Variants in NEBL observed in about 807,000 individuals in gnomAD.
NEBL encodes the protein nebulette.
NEBL carries 122 observed loss-of-function variants against 140.2 expected under a neutral mutation model. The ratio of observed to expected loss-of-function variants is 0.87; its 90% CI spans 0.75 to 1.01. The LOEUF (loss-of-function observed/expected upper bound fraction) is 1.01, where lower values mean the gene tolerates loss of function less well. NEBL is among the 50% of genes least tolerant of loss of function. The pLI, the probability that NEBL is intolerant of heterozygous loss-of-function variation, is 0.00. For missense variants in NEBL, 1,365 were observed against 1,231.3 expected (o/e 1.11, Z -1.62); for synonymous variants, 436 against 398.9 (o/e 1.09, Z -1.11).
At chr10:21,011,549 C>T (rs1196200333) in intron 3 of NEBL, among the ~76,000 whole-genome samples, 1 of 152,164 alleles carries the variant, frequency 6.6e-6, no homozygotes, top group African/African-American at 2.4e-5. Context: ...AGCCTGGGAC[C>T]CATGCCCACA....
chr10:20,852,725 T>C, intron 9 of NEBL, 76 bp from the exon 10 acceptor site: 16 of 1,229,456 alleles, frequency 1.3e-5, no homozygotes, highest in Non-Finnish European at 1.9e-5. Flanking sequence ...AAATACAAAC[T>C]GCACATTACA....
intron 4 of NEBL, among the ~76,000 whole-genome samples, chr10:20,943,389 A>G (rs1486151204): frequency 4.6e-5 from 7 of 152,216 alleles, no homozygotes; most frequent in African/African-American, 9.7e-5. Flanking sequence ...GAACCGAACA[A>G]TGAGAACACA....
chr10:21,259,212 C>T (rs12256313), intron 1 of NEBL, among the ~76,000 whole-genome samples: 8,569 of 151,958 alleles, frequency 0.056, 421 homozygotes, highest in African/African-American at 0.14. Context: ...CTCAGCCTCC[C>T]GAGCAGCTGG....
chr10:20,812,709 G>A, intron 24 of NEBL, 60 bp downstream of exon 24: 5 of 1,596,540 alleles, frequency 3.1e-6, no homozygotes, highest in Non-Finnish European at 3.4e-6. Context: ...TAATTCTGAA[G>A]CTAGAGCAAG....
At chr10:21,238,137 TAG>T (rs1232988507) in intron 3 of NEBL, among the ~76,000 whole-genome samples, 2 of 152,150 alleles carry the variant, frequency 1.3e-5, no homozygotes. Flanking sequence ...AAAGCAAAAA[TAG>T]AGTCTCAACT....
chr10:20,968,993 C>T (rs1350379961), intron 3 of NEBL, among the ~76,000 whole-genome samples: 1 of 152,192 alleles, frequency 6.6e-6, no homozygotes, highest in Non-Finnish European at 1.5e-5. Context: ...CTTTCTCTCT[C>T]ACTGCACTTT....
At chr10:21,231,961 A>G (rs1195272381) in intron 3 of NEBL, among the ~76,000 whole-genome samples, 1 of 152,152 alleles carries the variant, frequency 6.6e-6, no homozygotes, top group Non-Finnish European at 1.5e-5. Flanking sequence ...TTTATACACA[A>G]CTGATCAGCA....
intron 1 of NEBL, among the ~76,000 whole-genome samples, chr10:21,258,233 A>G (rs547831223): frequency 1.6e-4 from 25 of 152,206 alleles, no homozygotes; most frequent in Admixed American, 2.6e-4. Context: ...AACTGCAATG[A>G]GCTATGATTG....
intron 19 of NEBL, among the ~76,000 whole-genome samples, chr10:20,822,996 T>C (rs1478526175): frequency 6.6e-6 from 1 of 152,112 alleles, no homozygotes; most frequent in African/African-American, 2.4e-5. Flanking sequence ...CTGAATAATA[T>C]GTGTCTTTAA....
chr10:21,018,940 C>A (rs1268947681), intron 3 of NEBL, among the ~76,000 whole-genome samples: 1 of 152,142 alleles, frequency 6.6e-6, no homozygotes, highest in Non-Finnish European at 1.5e-5. Flanking sequence ...AGGCAGAGAA[C>A]TGCGTGAAGC....
chr10:21,073,413 T>C (rs1454851080), intron 2 of NEBL, among the ~76,000 whole-genome samples: 3 of 150,960 alleles, frequency 2.0e-5, no homozygotes, highest in African/African-American at 7.3e-5. Flanking sequence ...GGTCAGGAGT[T>C]CAAGACCAAC....
intron 7 of NEBL, among the ~76,000 whole-genome samples, chr10:20,864,364 T>C (rs560488524): frequency 2.0e-5 from 3 of 152,328 alleles, no homozygotes; most frequent in South Asian, 4.1e-4. Context: ...ATTGTATGTA[T>C]ATTGCAAATT....
intron 2 of NEBL, among the ~76,000 whole-genome samples, chr10:21,071,062 C>T (rs1412810477): frequency 2.0e-5 from 3 of 151,650 alleles, no homozygotes; most frequent in East Asian, 1.9e-4. Context: ...AGCCCAGCTG[C>T]TTAGGAGGCT....
intron 4 of NEBL, among the ~76,000 whole-genome samples, chr10:20,909,161 A>T (rs1301969274): frequency 6.6e-6 from 1 of 150,930 alleles, no homozygotes; most frequent in Non-Finnish European, 1.5e-5. Context: ...ATCCAACTAC[A>T]CTCTTTGCAT....
intron 1 of NEBL, among the ~76,000 whole-genome samples, chr10:21,291,788 G>A (rs928553932): frequency 1.7e-4 from 26 of 151,752 alleles, no homozygotes; most frequent in African/African-American, 5.1e-4. Context: ...GGTGGTGGAC[G>A]CCTGTAATCC....
intron 4 of NEBL, among the ~76,000 whole-genome samples, chr10:20,909,991 C>T (rs1848264432): frequency 6.6e-6 from 1 of 152,000 alleles, no homozygotes; most frequent in Non-Finnish European, 1.5e-5. Flanking sequence ...TGTGTGTCAG[C>T]AAAAATATCC....
intron 12 of NEBL, among the ~76,000 whole-genome samples, 171 bp downstream of exon 12, chr10:20,845,087 T>G (rs71578939): frequency 2.3e-3 from 344 of 152,176 alleles, no homozygotes; most frequent in Non-Finnish European, 4.3e-3. Context: ...TAACACACAC[T>G]TTCTTGTTTC....
chr10:20,828,558 A>G lies in NEBL; in HGVS notation c.1748T>C (p.Ile583Thr), dbSNP rs761928080. The G allele has an allele frequency of 4.4e-6, 7 of 1,593,328 alleles. No homozygotes were observed. Among genetic ancestry groups the G allele is most frequent in the Non-Finnish European group, 4.3e-6 (5 of 1,161,476 alleles). The part of the protein sequence containing the change: ...TIADTPEIQR[I>T]KTTQQNISAV... ...ACTAATGTTTTGTTGAGTTGTCTTA[A>G]TTCTCTGAATTTCAGGAGTATCTGC... Residue 583 changes from isoleucine to threonine, a missense_variant, in exon 17 of 28, where the codon ATT (isoleucine) becomes ACT (threonine). Ile to Thr is a moderately conservative substitution (Grantham distance 89). This residue lies in a region of NEBL where 1,323 missense variants were observed against 1,154.8 expected (regional missense o/e 1.15). Coordinates refer to ENST00000377122, the MANE Select transcript of NEBL (RefSeq NM_006393.3).
At chr10:20,823,432 C>T (rs1839543597) in intron 18 of NEBL, 132 bp from the exon 19 acceptor site, 1 of 637,930 alleles carries the variant, frequency 1.6e-6, no homozygotes, top group Non-Finnish European at 2.6e-6. Flanking sequence ...TCACTGGGGA[C>T]ATAATTCTTA....
Sources: gnomAD v4.1 joint callset for allele counts (sites outside exome capture counted in the v4.1 genomes callset) on GRCh38, gnomAD v4.1.1 for gene constraint, gnomAD v4.1.1 regional missense constraint, MANE v1.5 for transcripts, NCBI Gene and HGNC (gene_info 2026-07-23, HGNC 2026-07-21) for gene names.